CELF2: variants seen among roughly 807,000 people sequenced by gnomAD.
CELF2 encodes the protein CUGBP Elav-like family member 2, also known as CUG triplet repeat RNA-binding protein 2.
Under a neutral mutation model 62.6 loss-of-function variants are expected in CELF2, and 8 were observed. The ratio of observed to expected loss-of-function variants is 0.13; its 90% confidence interval spans 0.07 to 0.23. The LOEUF (loss-of-function observed/expected upper bound fraction) is 0.23, where lower values mean the gene tolerates loss of function less well. Among genes scored for constraint, CELF2 ranks in the 10% least tolerant of loss-of-function variants. The pLI is 1.00. For missense variants in CELF2, 333 were observed against 671.0 expected, an observed-to-expected ratio of 0.50 and a Z score of 5.56; for synonymous variants, 258 against 250.0, an observed-to-expected ratio of 1.03 and a Z score of -0.30.
chr10:10,521,498 C>T, the CELF2 span, among the ~76,000 whole-genome samples: 1 of 152,188 alleles, frequency 6.6e-6, no homozygotes, highest in South Asian at 2.1e-4. Context: ...TTTCATCCCT[C>T]CTCCATGTCA....
chr10:10,826,620 C>A (rs1296008527), intron 1 of CELF2, among the ~76,000 whole-genome samples: 1 of 152,152 alleles, frequency 6.6e-6, no homozygotes, highest in African/African-American at 2.4e-5. Flanking sequence ...CATCTCTGTG[C>A]TTTACTAAAT....
Position 11,297,837 on chromosome 10 carries a change from C to A in CELF2, c.976+9285C>A, listed in dbSNP as rs529285432. Reference sequence around the variant, plus strand: ...CTATACTAAAAATACAAAAATTAGCCGGGTATGGTGGTGCACACCTGTGGT... The same window carrying A: ...CTATACTAAAAATACAAAAATTAGCAGGGTATGGTGGTGCACACCTGTGGT... On this transcript the variant is annotated intron_variant, in intron 9 of 12. Transcript: ENST00000633077. The surrounding 1 kb of genome is among the most constrained non-coding windows in gnomAD (Gnocchi z 4.4). Among the ~76,000 whole-genome samples, 1 of 151,906 alleles carries A rather than the reference C, an allele frequency of 6.6e-6. No homozygotes were observed. Among genetic ancestry groups the A allele is most frequent in the Non-Finnish European group, 1.5e-5 (1 of 68,004 alleles).
chr10:10,547,001 G>T, the CELF2 span, among the ~76,000 whole-genome samples: 6 of 152,174 alleles, frequency 3.9e-5, no homozygotes, highest in African/African-American at 1.4e-4. Context: ...CAACTCTTTG[G>T]GAGGATGAGG....
chr10:10,509,137 C>T, the CELF2 span, among the ~76,000 whole-genome samples: 4 of 152,022 alleles, frequency 2.6e-5, no homozygotes, highest in African/African-American at 9.7e-5. Context: ...CTTTATTTCC[C>T]ATTGTTTTGC....
chr10:10,633,153 G>A, the CELF2 span, among the ~76,000 whole-genome samples: 19 of 152,074 alleles, frequency 1.2e-4, no homozygotes, highest in African/African-American at 4.6e-4. Context: ...GCTATGCTTA[G>A]ACCTAACTCA....
chr10:11,200,956 A>G (rs1040396651), intron 2 of CELF2, among the ~76,000 whole-genome samples: 1 of 152,190 alleles, frequency 6.6e-6, no homozygotes, highest in South Asian at 2.1e-4. Context: ...TCCTCTCTCA[A>G]ACGGGTCAGT....
At chr10:11,229,622 T>C (rs1353834670) in intron 3 of CELF2, among the ~76,000 whole-genome samples, 2 of 149,990 alleles carry the variant, frequency 1.3e-5, no homozygotes, top group Non-Finnish European at 3.0e-5. Flanking sequence ...TTTGAGACAG[T>C]CTCGCTCTGT....
the CELF2 span, among the ~76,000 whole-genome samples, chr10:10,547,975 C>A: frequency 6.6e-6 from 1 of 152,030 alleles, no homozygotes; most frequent in Admixed American, 6.6e-5. Flanking sequence ...ATAAAAGGTG[C>A]GGCTCTTTTA....
the CELF2 span, among the ~76,000 whole-genome samples, chr10:10,743,476 A>G: frequency 0.65 from 98,790 of 152,078 alleles, 32,385 homozygotes; most frequent in Middle Eastern, 0.72. Context: ...TTTAGAATTG[A>G]GCCATGATCA....
intron 5 of CELF2, among the ~76,000 whole-genome samples, chr10:11,261,591 G>A (rs958784423): frequency 1.3e-5 from 2 of 152,172 alleles, no homozygotes; most frequent in Non-Finnish European, 2.9e-5. Context: ...GGAGCCTCTC[G>A]AAGATCCAAG....
At chr10:10,493,000 T>C in the CELF2 span, among the ~76,000 whole-genome samples, 1 of 152,224 alleles carries the variant, frequency 6.6e-6, no homozygotes, top group African/African-American at 2.4e-5. Context: ...CCCACCCATG[T>C]GGGACTGTGA....
chr10:11,300,253 G>A lies in CELF2; in HGVS notation c.976+11701G>A, dbSNP rs1314746260. Among the ~76,000 whole-genome samples, 1 of 152,166 alleles carries A rather than the reference G, an allele frequency of 6.6e-6. No individual in the cohort carries two copies. The highest frequency in any genetic ancestry group is 1.5e-5 in the Non-Finnish European group (1 of 68,014). ...CCCCTCACTTCCCCGCCTTCCACAT[G>A]TGTGCCACCGTACAATAAAGCCTCA... On this transcript the variant is annotated intron_variant, in intron 9 of 12. Coordinates refer to ENST00000633077, the MANE Select transcript of CELF2 (RefSeq NM_001326342.2). The surrounding 1 kb of genome is among the most constrained non-coding windows in gnomAD (Gnocchi z 5.5).
rs952229743 is a variant in CELF2 at position 11,110,638 on chromosome 10, G to A, written c.75-54848G>A. Among the ~76,000 whole-genome samples, 13 of 152,314 alleles carry A rather than the reference G, an allele frequency of 8.5e-5. No individual in the cohort carries two copies. The East Asian group carries it at 2.5e-3, about 29-fold the overall frequency. On this transcript the variant is annotated intron_variant, in intron 1 of 12. Transcript: ENST00000633077. The surrounding 1 kb of genome is among the most constrained non-coding windows in gnomAD (Gnocchi z 4.0). ...TGGCATTTTGTTTGCTGTTTGGTGA[G>A]TGGGGAGATGGCAGTGAGACAGCCA... is the stretch of plus-strand genomic sequence containing the variant.
the CELF2 span, among the ~76,000 whole-genome samples, chr10:10,779,597 T>A: frequency 1.4e-4 from 21 of 152,198 alleles, no homozygotes; most frequent in African/African-American, 4.1e-4. Context: ...GTGATGACCA[T>A]GAACATCCAG....
chr10:11,200,653 C>T lies in CELF2; in HGVS notation c.272-16772C>T, dbSNP rs117774351. On this transcript the variant is annotated intron_variant, in intron 2 of 12. Coordinates refer to ENST00000633077, the MANE Select transcript of CELF2 (RefSeq NM_001326342.2). ...GGCACAGATCTCTGCAAGACATTTC[C>T]AGGTCAGACTTCTGTGCCCCTCTGC... 4.9e-3 allele frequency among the ~76,000 whole-genome samples: 739 copies of T among 152,320 alleles called. 3 individuals are homozygous for T. Among genetic ancestry groups the T allele is most frequent in the Non-Finnish European group, 6.8e-3 (463 of 68,032 alleles).
the CELF2 span, among the ~76,000 whole-genome samples, chr10:10,648,480 T>A: frequency 1.3e-5 from 2 of 152,246 alleles, no homozygotes; most frequent in African/African-American, 4.8e-5. Flanking sequence ...TTCCTAAAAG[T>A]GGACAGGAAG....
intron 2 of CELF2, among the ~76,000 whole-genome samples, chr10:10,943,592 T>C (rs150624908): frequency 6.6e-6 from 1 of 152,018 alleles, no homozygotes; most frequent in Non-Finnish European, 1.5e-5. Flanking sequence ...CATTGCTCTT[T>C]TCTGTTTTTT....
At position 11,302,934 on chromosome 10, in the gene CELF2, A is replaced by G. The variant is rs1177396698; in HGVS notation, c.977-11205A>G. ...ATGAAGCCAGCGTGTGTTTGGCACA[A>G]CAATAAGAGCTTTTCAATAGTTGGC... On this transcript the variant is annotated intron_variant, in intron 9 of 12. Transcript: ENST00000633077. This position sits in a 1 kb window ranked among gnomAD's most constrained non-coding sequence, Gnocchi z 5.0. Among the ~76,000 whole-genome samples, 1 of 152,162 alleles carries G rather than the reference A, an allele frequency of 6.6e-6. No individual in the cohort carries two copies. The highest frequency in any genetic ancestry group is 1.9e-4 in the East Asian group (1 of 5,192).
At chr10:10,601,281 A>G in the CELF2 span, among the ~76,000 whole-genome samples, 1 of 152,212 alleles carries the variant, frequency 6.6e-6, no homozygotes, top group East Asian at 1.9e-4. Context: ...AGGGAAATAC[A>G]AAGTCACTTA....
Sources: gnomAD v4.1 joint callset for allele counts (sites outside exome capture counted in the v4.1 genomes callset) on GRCh38, gnomAD v4.1.1 for gene constraint, Gnocchi (gnomAD v3.1) non-coding constraint, MANE v1.5 for transcripts, NCBI Gene and HGNC (gene_info 2026-07-23, HGNC 2026-07-21) for gene names.